ZNF354B: variants seen among roughly 807,000 people sequenced by gnomAD.
ZNF354B encodes zinc finger protein 354B.
ZNF354B carries 10 observed loss-of-function variants against 12.9 expected under a neutral mutation model. The observed-to-expected ratio is 0.77, with a 90% CI of 0.48 to 1.31. ZNF354B has a LOEUF of 1.31. Among genes scored for constraint, ZNF354B ranks in the 40% most tolerant of loss-of-function variants. The pLI is 0.00. For missense variants in ZNF354B, 614 were observed against 711.7 expected (o/e 0.86, Z 1.56); for synonymous variants, 260 against 243.7 (o/e 1.07, Z -0.62).
chr5:178,871,384 T>C (rs1161017812), intron 4 of ZNF354B, among the ~76,000 whole-genome samples: 1 of 152,212 alleles, frequency 6.6e-6, no homozygotes, highest in Non-Finnish European at 1.5e-5. Flanking sequence ...CTCACTCACT[T>C]CCTTGTGCTG....
intron 4 of ZNF354B, among the ~76,000 whole-genome samples, chr5:178,875,091 T>C (rs1209946586): frequency 6.6e-6 from 1 of 152,190 alleles, no homozygotes; most frequent in Non-Finnish European, 1.5e-5. Context: ...ATGTGACTCC[T>C]CTGTATTTCC....
chr5:178,870,582 C>G (rs1757547775), intron 4 of ZNF354B, among the ~76,000 whole-genome samples: 1 of 152,056 alleles, frequency 6.6e-6, no homozygotes, highest in Non-Finnish European at 1.5e-5. Flanking sequence ...ACCCGGCCTG[C>G]TTTGTTTTCT....
intron 4 of ZNF354B, among the ~76,000 whole-genome samples, chr5:178,870,459 T>C (rs1757544037): frequency 6.6e-6 from 1 of 152,218 alleles, no homozygotes; most frequent in African/African-American, 2.4e-5. Context: ...GGCATTTTTT[T>C]AGTAGAGACC....
intron 4 of ZNF354B, among the ~76,000 whole-genome samples, chr5:178,880,080 C>T (rs1757695586): frequency 6.6e-6 from 1 of 152,174 alleles, no homozygotes; most frequent in African/African-American, 2.4e-5. Context: ...GAGCTGAGAT[C>T]ACGTCACCGC....
Position 178,882,865 on chromosome 5 carries a change from A to G in ZNF354B, c.413A>G (p.Asn138Ser), listed in dbSNP as rs747316188. 6.2e-7 allele frequency: 1 copy of G among 1,602,814 alleles called. No homozygotes were observed. Among genetic ancestry groups the G allele is most frequent in the South Asian group, 1.1e-5 (1 of 87,352 alleles). The change falls in exon 5 of 5, where the codon AAT becomes AGT. Residue 138 changes from asparagine to serine, a missense_variant. Asn to Ser is a conservative substitution (Grantham distance 46). Coordinates refer to ENST00000322434, the MANE Select transcript of ZNF354B (RefSeq NM_058230.3). ...EEKLKKQQDK[N>S]ENLQIISVAH... ...AAATTAAAGAAACAGCAGGACAAAA[A>G]TGAAAATTTACAAATAATTTCAGTT...
chr5:178,869,331 T>G (rs927560982), intron 4 of ZNF354B, among the ~76,000 whole-genome samples: 1 of 152,250 alleles, frequency 6.6e-6, no homozygotes, highest in Non-Finnish European at 1.5e-5. Flanking sequence ...CTTGAACTTT[T>G]TTTTTTAAAA....
At position 178,884,558 on chromosome 5, in the gene ZNF354B, A is replaced by G. The variant is rs533913294; in HGVS notation, c.*267A>G. ...TCTCTTTATATAATATATGCTATCT[A>G]TGACATGCAAAAAAGAAAAGTCTGG... On this transcript the variant is annotated 3_prime_UTR_variant, in exon 5 of 5. Coordinates refer to ENST00000322434, the MANE Select transcript of ZNF354B (RefSeq NM_058230.3). The G allele has an allele frequency of 5.3e-5, 15 of 281,108 alleles. No homozygotes were observed. Among genetic ancestry groups the G allele is most frequent in the African/African-American group, 2.8e-4 (13 of 45,874 alleles). 17.4% of individuals were successfully genotyped at this position (281,108 alleles called of 1,614,324 possible).
At chr5:178,863,096 G>A (rs1275545973) in intron 2 of ZNF354B, among the ~76,000 whole-genome samples, 2 of 152,054 alleles carry the variant, frequency 1.3e-5, no homozygotes, top group Non-Finnish European at 2.9e-5. Context: ...TTTCTAGTCC[G>A]CCAGTCAGAT....
intron 4 of ZNF354B, among the ~76,000 whole-genome samples, chr5:178,878,791 C>T (rs955911238): frequency 3.3e-5 from 5 of 151,858 alleles, no homozygotes; most frequent in African/African-American, 1.2e-4. Context: ...CAACCTTTGC[C>T]TCTTGGGTTC....
intron 4 of ZNF354B, among the ~76,000 whole-genome samples, chr5:178,880,187 TC>T (rs1293624716): frequency 6.6e-6 from 1 of 151,996 alleles, no homozygotes; most frequent in East Asian, 1.9e-4. Flanking sequence ...TCATCCAATT[TC>T]TTTTTTTCCT....
chr5:178,864,476 C>CA (rs1757413936), intron 2 of ZNF354B, among the ~76,000 whole-genome samples: 1 of 152,068 alleles, frequency 6.6e-6, no homozygotes, highest in South Asian at 2.1e-4. Flanking sequence ...TCAGAATGTA[C>CA]CTCCATCGTT....
At chr5:178,870,675 C>G (rs184115263) in intron 4 of ZNF354B, among the ~76,000 whole-genome samples, 8 of 152,190 alleles carry the variant, frequency 5.3e-5, no homozygotes, top group Non-Finnish European at 1.5e-5. Flanking sequence ...GCTGAAGCAG[C>G]AACTGCACAC....
At position 178,877,280 on chromosome 5, in the gene ZNF354B, C is replaced by T. The variant is rs150799251; in HGVS notation, c.257-5429C>T. On this transcript the variant is annotated intron_variant, in intron 4 of 4. Coordinates refer to ENST00000322434, the MANE Select transcript of ZNF354B (RefSeq NM_058230.3). ...CACCTTTTGGGTTTAAGCGATTCTT[C>T]TGCCTCAGCCTCCTGAGTAGCTGGG... 6.3e-3 allele frequency among the ~76,000 whole-genome samples: 966 copies of T among 152,266 alleles called. 2 individuals carry two copies. Among genetic ancestry groups the T allele is most frequent in the Middle Eastern group, 0.031 (9 of 294 alleles).
At position 178,876,941 on chromosome 5, in the gene ZNF354B, G is replaced by A. The variant is rs1341037896; in HGVS notation, c.257-5768G>A. ...TTTTTTTATGCCTTTTTTTTTTTTT[G>A]TCTTACAGTGTTGCAACTCGGGATC... On this transcript the variant is annotated intron_variant, in intron 4 of 4. Transcript: ENST00000322434. Among the ~76,000 whole-genome samples, 8 of 84,070 alleles carry A rather than the reference G, an allele frequency of 9.5e-5. No individual in the cohort carries two copies. In the East Asian group the frequency reaches 1.8e-3, roughly 19 times the overall value. 55.2% of individuals were successfully genotyped at this position (84,070 alleles called of 152,430 possible). A position where few individuals can be genotyped will look rare whatever the true frequency, so the allele number is the denominator to read the frequency against.
chr5:178,877,217 G>A (rs1241882778), intron 4 of ZNF354B, among the ~76,000 whole-genome samples: 2 of 152,052 alleles, frequency 1.3e-5, no homozygotes, highest in African/African-American at 4.8e-5. Flanking sequence ...CACCCAGGCT[G>A]GAGTTGCAGG....
At position 178,870,969 on chromosome 5, in the gene ZNF354B, C is replaced by T. The variant is rs553597442; in HGVS notation, c.256+3898C>T. Reference sequence around the variant, plus strand: ...ACCACCGCACCTACCCAGTATAGTCCGGTTTAATTTGTATGAGTTAGTCTT... The same window carrying T: ...ACCACCGCACCTACCCAGTATAGTCTGGTTTAATTTGTATGAGTTAGTCTT... On this transcript the variant is annotated intron_variant, in intron 4 of 4. Coordinates refer to ENST00000322434, the MANE Select transcript of ZNF354B (RefSeq NM_058230.3). Among the ~76,000 whole-genome samples the T allele has an allele frequency of 1.8e-4, 27 of 152,226 alleles. No individual in the cohort carries two copies. In the South Asian group the frequency reaches 4.1e-3, roughly 23 times the overall value.
chr5:178,875,559 T>A (rs1373431299), intron 4 of ZNF354B, among the ~76,000 whole-genome samples: 1 of 152,142 alleles, frequency 6.6e-6, no homozygotes, highest in Non-Finnish European at 1.5e-5. Context: ...GCAAGGGCAA[T>A]ACCACTGCAG....
intron 4 of ZNF354B, among the ~76,000 whole-genome samples, chr5:178,871,984 C>T (rs1293813470): frequency 6.6e-6 from 1 of 152,008 alleles, no homozygotes; most frequent in Admixed American, 6.6e-5. Context: ...ATTCTATGTC[C>T]CTTATACTCA....
chr5:178,878,275 T>C (rs1385616276), intron 4 of ZNF354B, among the ~76,000 whole-genome samples: 3 of 151,478 alleles, frequency 2.0e-5, no homozygotes, highest in Non-Finnish European at 4.4e-5. Flanking sequence ...CTCAGCTACT[T>C]GGGAGGCTGA....
Sources: allele counts gnomAD v4.1 joint callset (sites outside exome capture counted in the v4.1 genomes callset), GRCh38; gene constraint gnomAD v4.1.1; transcripts MANE v1.5; gene names NCBI Gene and HGNC (gene_info 2026-07-23, HGNC 2026-07-21).